SYNRG: variants seen among roughly 807,000 people sequenced by gnomAD.
SYNRG encodes the protein AP1 gamma subunit binding protein 1.
A neutral mutation model predicts 130.9 loss-of-function variants in SYNRG; 37 were observed. The ratio of observed to expected loss-of-function variants is 0.28; its 90% CI spans 0.22 to 0.37. The LOEUF (loss-of-function observed/expected upper bound fraction) is 0.37, where lower values mean the gene tolerates loss of function less well. SYNRG is among the 10% of genes least tolerant of loss of function. The pLI, the probability that SYNRG is intolerant of heterozygous loss-of-function variation, is 1.00. For missense variants in SYNRG, 1,338 were observed against 1,588.9 expected (o/e 0.84, Z 2.68); for synonymous variants, 539 against 568.1 (o/e 0.95, Z 0.73).
intron 16 of SYNRG, 62 bp downstream of exon 16, chr17:37,540,318 T>C (rs1407361145): frequency 1.3e-6 from 2 of 1,570,210 alleles, no homozygotes; most frequent in Non-Finnish European, 1.7e-6. Flanking sequence ...CAGCATTCTT[T>C]CTTGGGGCCC....
chr17:37,601,435 T>C (rs1051394872), intron 1 of SYNRG, among the ~76,000 whole-genome samples: 3 of 152,230 alleles, frequency 2.0e-5, no homozygotes, highest in Non-Finnish European at 4.4e-5. Context: ...TTTATTGTTA[T>C]TGTGGTAACA....
chr17:37,593,084 GATT>G (rs1462617907), intron 3 of SYNRG, among the ~76,000 whole-genome samples: 2 of 152,182 alleles, frequency 1.3e-5, no homozygotes, highest in Non-Finnish European at 2.9e-5. Context: ...GGAAGGGAGA[GATT>G]ATAATAATCA....
In SYNRG at chr17:37,577,607, G is replaced by A; in HGVS notation, c.596C>T (p.Ser199Phe). Residue 199 changes from serine to phenylalanine, a missense_variant, in exon 7 of 22, where the codon TCC (serine) becomes TTC (phenylalanine). Around this residue, in one of 3 missense-constraint regions of SYNRG, gnomAD observed 1,146 missense variants for 1,342.3 expected, o/e 0.85. Transcript: ENST00000612223. Reference protein sequence around the residue: ...PASHPKKPGPSLEEKFLVSCD... With the variant: ...PASHPKKPGPFLEEKFLVSCD... ...AGATACTAGGAACTTCTCCTCCAAG[G>A]AAGGGCCTAAACAAAGAGCATGAAG... 1 of 1,613,176 alleles carries A rather than the reference G, an allele frequency of 6.2e-7. No individual in the cohort carries two copies. The highest frequency in any genetic ancestry group is 8.5e-7 in the Non-Finnish European group (1 of 1,179,506).
intron 19 of SYNRG, among the ~76,000 whole-genome samples, chr17:37,523,844 T>G (rs2055468318): frequency 6.6e-6 from 1 of 151,946 alleles, no homozygotes; most frequent in Non-Finnish European, 1.5e-5. Flanking sequence ...CCATGCACTG[T>G]GGAGAGTAAG....
chr17:37,537,713 G>A (rs577623237), intron 18 of SYNRG, among the ~76,000 whole-genome samples: 1 of 152,348 alleles, frequency 6.6e-6, no homozygotes, highest in East Asian at 1.9e-4. Flanking sequence ...ATCCAGCAGA[G>A]AATGGGATGG....
At chr17:37,541,053 T>C in intron 15 of SYNRG, 1 of 985,880 alleles carries the variant, frequency 1.0e-6, no homozygotes, top group Non-Finnish European at 1.2e-6. Flanking sequence ...ACGGTTTCCC[T>C]GCGTTTCGTT....
chr17:37,600,248 A>G (rs981490147), intron 2 of SYNRG, 115 bp downstream of exon 2: 21 of 922,966 alleles, frequency 2.3e-5, no homozygotes, highest in Non-Finnish European at 3.3e-5. Flanking sequence ...AAGAGTGCAG[A>G]AAATTTTACT....
intron 15 of SYNRG, chr17:37,541,707 G>A (rs2057779597): frequency 3.8e-6 from 2 of 523,956 alleles, no homozygotes; most frequent in Non-Finnish European, 6.7e-6. Context: ...TTTTAACACA[G>A]CACACCTCTA....
intron 6 of SYNRG, among the ~76,000 whole-genome samples, chr17:37,581,355 G>A (rs780108624): frequency 7.6e-4 from 115 of 151,980 alleles, no homozygotes; most frequent in Admixed American, 1.3e-3. Context: ...TCAGCTCACC[G>A]CAACCTCTGC....
At chr17:37,599,604 C>A (rs1336363997) in intron 2 of SYNRG, among the ~76,000 whole-genome samples, 3 of 152,044 alleles carry the variant, frequency 2.0e-5, no homozygotes, top group African/African-American at 7.3e-5. Context: ...ACCTGTGGTC[C>A]CAGCTACCTG....
chr17:37,541,852 T>C (rs1219320810), intron 15 of SYNRG, 120 bp downstream of exon 15: 7 of 986,998 alleles, frequency 7.1e-6, no homozygotes, highest in Non-Finnish European at 1.0e-5. Context: ...GACCCTGATT[T>C]CAAAGATTAG....
intron 2 of SYNRG, among the ~76,000 whole-genome samples, chr17:37,599,132 T>A (rs1303382827): frequency 6.6e-6 from 1 of 152,216 alleles, no homozygotes; most frequent in African/African-American, 2.4e-5. Flanking sequence ...TCTGTTTCTT[T>A]AGCAAATCTA....
At chr17:37,580,725 G>C (rs2061263042) in intron 6 of SYNRG, among the ~76,000 whole-genome samples, 1 of 152,158 alleles carries the variant, frequency 6.6e-6, no homozygotes, top group South Asian at 2.1e-4. Flanking sequence ...AGTAGAGACG[G>C]GGTTTCACCA....
intron 14 of SYNRG, among the ~76,000 whole-genome samples, chr17:37,544,841 T>A (rs2058126069): frequency 6.6e-6 from 1 of 152,152 alleles, no homozygotes. Flanking sequence ...AATACAGATA[T>A]TTCTATTACT....
Position 37,531,913 on chromosome 17 carries a change from G to GT in SYNRG, c.3666+4065dup, listed in dbSNP as rs2056670908. ...TCGTGCTCCTTTACAAAATGGCTGC[G>GT]TAAGATCCTGGGCTAAAGATTCACC... On this transcript the variant is annotated intron_variant, in intron 19 of 21. Coordinates refer to ENST00000612223, the MANE Select transcript of SYNRG (RefSeq NM_007247.6). 3.9e-5 allele frequency among the ~76,000 whole-genome samples: 6 copies of GT among 152,262 alleles called. No individual in the cohort carries two copies. The South Asian group carries it at 1.0e-3, about 26-fold the overall frequency.
intron 11 of SYNRG, among the ~76,000 whole-genome samples, chr17:37,566,522 A>G (rs1303342712): frequency 2.7e-5 from 4 of 147,726 alleles, no homozygotes; most frequent in Non-Finnish European, 3.0e-5. Context: ...TCCTCTGCCT[A>G]GGAAAACCAG....
rs904476976 is a variant in SYNRG, at chr17:37,585,436, G to A, written c.372-6C>T. 1 of 1,602,706 alleles carries A rather than the reference G, an allele frequency of 6.2e-7. No individual in the cohort carries two copies. The highest frequency in any genetic ancestry group is 8.5e-7 in the Non-Finnish European group (1 of 1,172,788). ...GCTGCTGTTCAAATCGTTTCCTGAA[G>A]GAAAAATGATCTAATAAAGAACCAG... is the stretch of plus-strand genomic sequence containing the variant. On this transcript the variant is annotated splice_polypyrimidine_tract_variant and splice_region_variant and intron_variant, in intron 4 of 21. Transcript: ENST00000612223.
intron 9 of SYNRG, among the ~76,000 whole-genome samples, chr17:37,571,346 C>T (rs1239543680): frequency 6.6e-6 from 1 of 152,156 alleles, no homozygotes; most frequent in Non-Finnish European, 1.5e-5. Flanking sequence ...CTTTGGGAGG[C>T]CGAGACAGGT....
chr17:37,581,907 G>C (rs1356227631), intron 6 of SYNRG, among the ~76,000 whole-genome samples: 2 of 151,936 alleles, frequency 1.3e-5, no homozygotes, highest in African/African-American at 4.8e-5. Context: ...TGGGATTACA[G>C]GCATGCGCCA....
Sources: gnomAD v4.1 joint callset for allele counts (sites outside exome capture counted in the v4.1 genomes callset) on GRCh38, gnomAD v4.1.1 for gene constraint, gnomAD v4.1.1 regional missense constraint, MANE v1.5 for transcripts, NCBI Gene and HGNC (gene_info 2026-07-23, HGNC 2026-07-21) for gene names.